The following PDGFC variants were observed in gnomAD, a reference collection of about 807,000 sequenced individuals.
The protein encoded by PDGFC is platelet-derived growth factor C.
PDGFC carries 12 observed loss-of-function variants against 35.5 expected under a neutral mutation model. The observed-to-expected ratio is 0.34, with a 90% CI of 0.22 to 0.55. PDGFC has a LOEUF of 0.55. PDGFC is among the 20% of genes least tolerant of loss of function. PDGFC has a pLI of 0.91. For synonymous variants in PDGFC, 159 were observed against 148.8 expected (o/e 1.07, Z -0.50); for missense variants, 322 against 412.4 (o/e 0.78, Z 1.90).
At chr4:156,825,617 G>GGAGA (rs1732442437) in intron 2 of PDGFC, among the ~76,000 whole-genome samples, 8 of 142,366 alleles carry the variant, frequency 5.6e-5, no homozygotes, top group African/African-American at 2.1e-4. Context: ...AGAAGAAGAA[G>GGAGA]AAGAAGAAGA....
intron 1 of PDGFC, among the ~76,000 whole-genome samples, chr4:156,866,089 A>G (rs1579064790): frequency 6.6e-6 from 1 of 152,098 alleles, no homozygotes; most frequent in Admixed American, 6.6e-5. Context: ...TATATCTCCT[A>G]AGGCTATCCC....
chr4:156,959,982 T>G (rs1732302729), intron 1 of PDGFC, among the ~76,000 whole-genome samples: 1 of 151,928 alleles, frequency 6.6e-6, no homozygotes, highest in Admixed American at 6.6e-5. Flanking sequence ...TAGAGATGAC[T>G]TAATCACTAA....
intron 1 of PDGFC, among the ~76,000 whole-genome samples, chr4:156,892,842 T>C (rs187667224): frequency 6.6e-6 from 1 of 152,220 alleles, no homozygotes; most frequent in African/African-American, 2.4e-5. Flanking sequence ...GCTGTTATAC[T>C]TCTTACGTCA....
At chr4:156,938,377 A>G (rs1394916117) in intron 1 of PDGFC, among the ~76,000 whole-genome samples, 1 of 152,184 alleles carries the variant, frequency 6.6e-6, no homozygotes, top group African/African-American at 2.4e-5. Flanking sequence ...GAATCCATGA[A>G]GCAGTTAAGA....
chr4:156,833,789 T>G (rs1729000453), intron 2 of PDGFC, among the ~76,000 whole-genome samples: 2 of 152,228 alleles, frequency 1.3e-5, no homozygotes, highest in Admixed American at 6.5e-5. Context: ...TCTTTCAGCC[T>G]GTAAGTAAGC....
chr4:156,875,454 A>C (rs1412789333), intron 1 of PDGFC, among the ~76,000 whole-genome samples: 1 of 152,184 alleles, frequency 6.6e-6, no homozygotes, highest in East Asian at 1.9e-4. Flanking sequence ...GAGCCATTAG[A>C]AGAAAGTCCA....
chr4:156,952,846 T>C (rs1190065888), intron 1 of PDGFC, among the ~76,000 whole-genome samples: 15 of 151,882 alleles, frequency 9.9e-5, no homozygotes, highest in Admixed American at 6.6e-4. Flanking sequence ...AGTGAAAAAT[T>C]TGTGATCATT....
At chr4:156,897,345 A>ATGT (rs1730656983) in intron 1 of PDGFC, among the ~76,000 whole-genome samples, 1 of 86,446 alleles carries the variant, frequency 1.2e-5, no homozygotes, top group Non-Finnish European at 2.5e-5. Context: ...AGTGTGTGAG[A>ATGT]GTGTATGTGT....
chr4:156,851,018 T>C (rs867065437), intron 1 of PDGFC, among the ~76,000 whole-genome samples: 13 of 152,186 alleles, frequency 8.5e-5, no homozygotes, highest in African/African-American at 2.4e-4. Flanking sequence ...TAGCATACCA[T>C]ACGACACACT....
intron 1 of PDGFC, among the ~76,000 whole-genome samples, chr4:156,900,527 A>T (rs1344389372): frequency 6.6e-6 from 1 of 152,130 alleles, no homozygotes; most frequent in East Asian, 1.9e-4. Flanking sequence ...TAAATGATGA[A>T]CAAGAACGAA....
At chr4:156,813,105 C>T (rs1731985330) in intron 2 of PDGFC, among the ~76,000 whole-genome samples, 1 of 151,952 alleles carries the variant, frequency 6.6e-6, no homozygotes, top group Non-Finnish European at 1.5e-5. Context: ...GTGGGTATAG[C>T]AGACCTAAGT....
At chr4:156,925,755 AAG>A (rs994362926) in intron 1 of PDGFC, among the ~76,000 whole-genome samples, 1 of 151,098 alleles carries the variant, frequency 6.6e-6, no homozygotes, top group East Asian at 1.9e-4. Flanking sequence ...AAAAAAAAAA[AAG>A]AGAGAGACGG....
chr4:156,816,345 A>G (rs940538762), intron 2 of PDGFC, among the ~76,000 whole-genome samples: 6 of 152,190 alleles, frequency 3.9e-5, no homozygotes, highest in African/African-American at 1.4e-4. Flanking sequence ...GATGACAAAC[A>G]TTCTACAGTG....
At chr4:156,830,797 A>G (rs1216691631) in intron 2 of PDGFC, among the ~76,000 whole-genome samples, 3 of 152,328 alleles carry the variant, frequency 2.0e-5, no homozygotes, top group African/African-American at 2.4e-5. Context: ...AATGTGATCA[A>G]TTAAGTTATT....
intron 3 of PDGFC, among the ~76,000 whole-genome samples, chr4:156,808,258 A>T (rs1406964793): frequency 1.3e-5 from 2 of 152,098 alleles, no homozygotes; most frequent in Non-Finnish European, 2.9e-5. Flanking sequence ...CTACAATGTG[A>T]ATGGCATTGT....
intron 1 of PDGFC, among the ~76,000 whole-genome samples, chr4:156,852,505 T>A (rs1251651493): frequency 6.6e-6 from 1 of 152,182 alleles, no homozygotes; most frequent in Admixed American, 6.5e-5. Context: ...CTACTCAATA[T>A]CTTAAAGTCT....
intron 1 of PDGFC, among the ~76,000 whole-genome samples, chr4:156,930,798 G>C (rs1331741962): frequency 6.6e-6 from 1 of 152,124 alleles, no homozygotes; most frequent in Non-Finnish European, 1.5e-5. Flanking sequence ...AACCAGGAAG[G>C]CCGGAGGTTG....
At chr4:156,785,001 A>C (rs894532190) in intron 3 of PDGFC, among the ~76,000 whole-genome samples, 1 of 152,260 alleles carries the variant, frequency 6.6e-6, no homozygotes, top group African/African-American at 2.4e-5. Flanking sequence ...TGTTAAATAA[A>C]TGATTACACT....
At chr4:156,831,601 G>A (rs544250196) in intron 2 of PDGFC, among the ~76,000 whole-genome samples, 115 of 151,514 alleles carry the variant, frequency 7.6e-4, no homozygotes, top group Middle Eastern at 3.4e-3. Context: ...GTGCCACCAC[G>A]CCCAGCTAAT....
Sources: gnomAD v4.1 joint callset for allele counts (sites outside exome capture counted in the v4.1 genomes callset) on GRCh38, gnomAD v4.1.1 for gene constraint, MANE v1.5 for transcripts, NCBI Gene and HGNC (gene_info 2026-07-23, HGNC 2026-07-21) for gene names.